The following PARP12 variants were observed in gnomAD, a reference collection of about 807,000 sequenced individuals.
PARP12 encodes the protein protein mono-ADP-ribosyltransferase PARP12.
Under a neutral mutation model 72.4 loss-of-function variants are expected in PARP12, and 59 were observed. The ratio of observed to expected loss-of-function variants is 0.81; its 90% CI spans 0.66 to 1.01. The LOEUF (loss-of-function observed/expected upper bound fraction) is 1.01, where lower values mean the gene tolerates loss of function less well. Ranked by LOEUF, PARP12 falls within the 50% of genes least tolerant of loss-of-function variation. The pLI, the probability that PARP12 is intolerant of heterozygous loss-of-function variation, is 0.00. For missense variants in PARP12, 851 were observed against 914.0 expected, an observed-to-expected ratio of 0.93 and a Z score of 0.89; for synonymous variants, 403 against 371.4, an observed-to-expected ratio of 1.09 and a Z score of -0.98.
chr7:140,051,446 A>G (rs1213159852), intron 4 of PARP12, among the ~76,000 whole-genome samples: 2 of 151,104 alleles, frequency 1.3e-5, no homozygotes, highest in African/African-American at 2.4e-5. Flanking sequence ...GCTGGAGTGC[A>G]GTGGCACGGT....
intron 6 of PARP12, among the ~76,000 whole-genome samples, chr7:140,038,548 G>A (rs992913043): frequency 1.3e-5 from 2 of 152,088 alleles, no homozygotes; most frequent in African/African-American, 2.4e-5. Context: ...GGACTATATT[G>A]TCCTCACAGG....
At chr7:140,060,192 G>T (rs1393894908) in intron 1 of PARP12, among the ~76,000 whole-genome samples, 1 of 152,218 alleles carries the variant, frequency 6.6e-6, no homozygotes, top group Non-Finnish European at 1.5e-5. Flanking sequence ...TGGAGGTAAA[G>T]TCACTTGCCC....
At chr7:140,041,478 T>C (rs1166536269) in intron 6 of PARP12, 166 bp downstream of exon 6, 1 of 595,206 alleles carries the variant, frequency 1.7e-6, no homozygotes, top group Non-Finnish European at 2.9e-6. Context: ...AAATTCCAAC[T>C]TATCTAGTTT....
Position 140,034,235 on chromosome 7 carries a change from C to A in PARP12, c.1421G>T (p.Cys474Phe). 1.9e-6 allele frequency: 3 copies of A among 1,612,026 alleles called. No homozygotes were observed. Among genetic ancestry groups the A allele is most frequent in the Non-Finnish European group, 2.5e-6 (3 of 1,178,708 alleles). Residue 474 changes from cysteine to phenylalanine, a missense_variant and splice_region_variant, in exon 8 of 12, where the codon TGC becomes TTC. Around this residue, in one of 3 missense-constraint regions of PARP12, gnomAD observed 347 missense variants for 396.1 expected, o/e 0.88. Transcript: ENST00000263549. ...SPQDVTTMQT[C>F]NTKFPGPKSI... The stretch of plus-strand genomic sequence containing the variant: ...TACCAAGCCCCCCACTGCAACCTAC[C>A]AGGTTTGCATGGTCGTCACATCCTG...
chr7:140,056,610 T>C (rs1245048709), intron 3 of PARP12, among the ~76,000 whole-genome samples: 1 of 152,192 alleles, frequency 6.6e-6, no homozygotes, highest in Non-Finnish European at 1.5e-5. Flanking sequence ...CAGAATTCAC[T>C]CACCATCAAT....
At chr7:140,048,222 A>G (rs1490779895) in intron 4 of PARP12, among the ~76,000 whole-genome samples, 1 of 152,088 alleles carries the variant, frequency 6.6e-6, no homozygotes, top group Non-Finnish European at 1.5e-5. Context: ...ACACTCTCCC[A>G]CCAACATCCA....
chr7:140,062,904 C>T lies in PARP12; in HGVS notation c.-57G>A. The T allele has an allele frequency of 1.7e-6, 2 of 1,207,290 alleles. No individual in the cohort carries two copies. Among genetic ancestry groups the T allele is most frequent in the Non-Finnish European group, 2.1e-6 (2 of 968,656 alleles). The allele number at this position is 1,207,290 out of a possible 1,614,324, so 74.8% of individuals were successfully genotyped here. ...GTGGCGCGACGCGGACGGCGGCGGA[C>T]GCTGGCTGGCGGGCGGCTCTCGCAG... On this transcript the variant is annotated 5_prime_UTR_variant, in exon 1 of 12. Transcript: ENST00000263549.
intron 5 of PARP12, among the ~76,000 whole-genome samples, chr7:140,043,538 T>A (rs2116595416): frequency 6.6e-6 from 1 of 152,310 alleles, no homozygotes; most frequent in African/African-American, 2.4e-5. Flanking sequence ...TTTAATTTTT[T>A]ATTTTTTGAG....
At chr7:140,039,823 C>T (rs993146138) in intron 6 of PARP12, among the ~76,000 whole-genome samples, 5 of 152,186 alleles carry the variant, frequency 3.3e-5, no homozygotes, top group African/African-American at 1.2e-4. Context: ...TGTGTTTCTA[C>T]GCCCCCACTA....
intron 4 of PARP12, among the ~76,000 whole-genome samples, chr7:140,051,034 C>T (rs779083341): frequency 1.3e-5 from 2 of 152,000 alleles, no homozygotes; most frequent in South Asian, 2.1e-4. Flanking sequence ...AGAGATGGAA[C>T]CTTCATCTGT....
chr7:140,030,554 T>C (rs1211993492), intron 8 of PARP12, among the ~76,000 whole-genome samples: 3 of 152,342 alleles, frequency 2.0e-5, no homozygotes, highest in Admixed American at 6.5e-5. Flanking sequence ...GCCAAGATCA[T>C]GCCACTGCAC....
At chr7:140,030,423 C>T (rs1003593072) in intron 8 of PARP12, among the ~76,000 whole-genome samples, 1 of 152,186 alleles carries the variant, frequency 6.6e-6, no homozygotes, top group Non-Finnish European at 1.5e-5. Flanking sequence ...CATAATGAAA[C>T]CCCATCTCCA....
Position 140,041,812 on chromosome 7 carries a change from G to A in PARP12, c.1014C>T (p.Thr338=), listed in dbSNP as rs1308657026. 5.0e-6 allele frequency: 8 copies of A among 1,613,964 alleles called. No individual in the cohort carries two copies. In the South Asian group the frequency reaches 7.7e-5, roughly 16 times the overall value. ...TAAAGTTCAGACAATGAGAGTGAAA[G>A]GTACTGGCTGACTCAGAGCACAGGA... ...ERILCSESAS[T]FHSHCLNFNA... The change falls in exon 6 of 12, where the codon ACC becomes ACT. Residue 338 remains threonine (T), a synonymous_variant. Coordinates refer to ENST00000263549, the MANE Select transcript of PARP12 (RefSeq NM_022750.4).
At chr7:140,061,833 G>A (rs1175411642) in intron 1 of PARP12, among the ~76,000 whole-genome samples, 1 of 152,110 alleles carries the variant, frequency 6.6e-6, no homozygotes, top group Non-Finnish European at 1.5e-5. Context: ...AGTTCCCTGT[G>A]ACCAAGAGTA....
In PARP12 at chr7:140,033,929, C is replaced by T. The variant is rs531580199; in HGVS notation, c.1421+306G>A. 8.8e-5 allele frequency: 90 copies of T among 1,027,796 alleles called. No homozygotes were observed. The African/African-American group carries it at 1.4e-3, about 16-fold the overall frequency. 63.7% of individuals were successfully genotyped at this position (1,027,796 alleles called of 1,614,324 possible). The stretch of plus-strand genomic sequence containing the variant: ...AATTCAAGTCTATGACTCAATGATT[C>T]CACAGAAAAGACAAACGGATGGGTT... On this transcript the variant is annotated intron_variant, in intron 8 of 11. Coordinates refer to ENST00000263549, the MANE Select transcript of PARP12 (RefSeq NM_022750.4).
chr7:140,044,101 C>T (rs1434082196), intron 5 of PARP12, among the ~76,000 whole-genome samples: 1 of 152,090 alleles, frequency 6.6e-6, no homozygotes, highest in Non-Finnish European at 1.5e-5. Context: ...ATATGAGTAG[C>T]ATAAATTTTT....
chr7:140,062,778 G>C lies in PARP12; in HGVS notation c.70C>G (p.Pro24Ala), dbSNP rs201640031. ...LCAAGGALEL[P>A]ELRRRLRMGL... is the part of the protein sequence containing the mutation. Reference sequence around the variant, plus strand: ...ATCCGCAAGCGGCGCCGCAGCTCGGGCAACTCCAGGGCGCCCCCGGCCGCG... The same window carrying C: ...ATCCGCAAGCGGCGCCGCAGCTCGGCCAACTCCAGGGCGCCCCCGGCCGCG... The change falls in exon 1 of 12, where the codon CCC (proline) becomes GCC (alanine). Residue 24 changes from proline (P) to alanine (A), a missense_variant. Pro to Ala is a conservative substitution (Grantham distance 27). Coordinates refer to ENST00000263549, the MANE Select transcript of PARP12 (RefSeq NM_022750.4). 7,961 of 1,403,820 alleles carry C rather than the reference G, an allele frequency of 5.7e-3. 31 individuals carry two copies. Among genetic ancestry groups the C allele is most frequent in the Non-Finnish European group, 6.6e-3 (7,099 of 1,075,272 alleles). 87.0% of individuals were successfully genotyped at this position (1,403,820 alleles called of 1,614,324 possible).
Position 140,027,203 on chromosome 7 carries a change from G to A in PARP12, c.1628+73C>T, listed in dbSNP as rs1162533214. On this transcript the variant is annotated intron_variant, in intron 10 of 11. Transcript: ENST00000263549. ...CGCTCTGCTTTTCCTGGAAACCCGG[G>A]CCACATGTGGCAACCAGCCAGTGGT... The A allele has an allele frequency of 3.2e-6, 5 of 1,564,874 alleles. No individual in the cohort carries two copies. In the Admixed American group the frequency reaches 5.4e-5, roughly 17 times the overall value.
chr7:140,035,956 G>C (rs1182128775), intron 7 of PARP12, among the ~76,000 whole-genome samples: 1 of 81,136 alleles, frequency 1.2e-5, no homozygotes, highest in Non-Finnish European at 2.2e-5. Context: ...AGGAGGACGA[G>C]GAGGAGGAGG....
Sources: allele counts gnomAD v4.1 joint callset (sites outside exome capture counted in the v4.1 genomes callset), GRCh38; gene constraint gnomAD v4.1.1; regional missense constraint gnomAD v4.1.1; transcripts MANE v1.5; gene names NCBI Gene and HGNC (gene_info 2026-07-23, HGNC 2026-07-21).